The following MAD1L1 variants were observed in gnomAD, a reference collection of about 807,000 sequenced individuals.
MAD1L1 encodes mitotic spindle assembly checkpoint protein MAD1.
A neutral mutation model predicts 96.9 loss-of-function variants in MAD1L1; 95 were observed. The ratio of observed to expected loss-of-function variants is 0.98; its 90% CI spans 0.83 to 1.16. The LOEUF (loss-of-function observed/expected upper bound fraction) is 1.16. MAD1L1 is among the 50% of genes most tolerant of loss of function. The pLI is 0.00. For synonymous variants in MAD1L1, 473 were observed against 396.6 expected, an observed-to-expected ratio of 1.19 and a Z score of -2.29; for missense variants, 1,007 against 954.4, an observed-to-expected ratio of 1.06 and a Z score of -0.73.
At chr7:2,144,018 G>C (rs1789170958) in intron 11 of MAD1L1, among the ~76,000 whole-genome samples, 1 of 152,232 alleles carries the variant, frequency 6.6e-6, no homozygotes, top group African/African-American at 2.4e-5. Context: ...TCTCTGCTGA[G>C]GCAGAGAAGC....
intron 17 of MAD1L1, among the ~76,000 whole-genome samples, chr7:1,926,913 A>T (rs571558314): frequency 1.3e-5 from 2 of 152,292 alleles, no homozygotes; most frequent in South Asian, 4.1e-4. Context: ...TAGAAGACAT[A>T]TGGATCTTAA....
At chr7:1,866,821 A>C (rs933337212) in intron 18 of MAD1L1, among the ~76,000 whole-genome samples, 1 of 152,230 alleles carries the variant, frequency 6.6e-6, no homozygotes, top group Admixed American at 6.5e-5. Context: ...AGGCAGCGAC[A>C]TAGGGCCCGG....
chr7:2,074,441 T>G (rs895297275), intron 11 of MAD1L1, among the ~76,000 whole-genome samples: 2 of 152,204 alleles, frequency 1.3e-5, no homozygotes, highest in African/African-American at 4.8e-5. Flanking sequence ...GAACAGGAAC[T>G]GAGGCTGCTG....
At chr7:2,007,368 G>C (rs989272051) in intron 13 of MAD1L1, among the ~76,000 whole-genome samples, 1 of 152,248 alleles carries the variant, frequency 6.6e-6, no homozygotes, top group Non-Finnish European at 1.5e-5. Context: ...TATGGCCGCT[G>C]GGAAGAGCCT....
At chr7:1,990,668 G>A (rs1421539447) in intron 14 of MAD1L1, among the ~76,000 whole-genome samples, 1 of 152,264 alleles carries the variant, frequency 6.6e-6, no homozygotes, top group Non-Finnish European at 1.5e-5. Flanking sequence ...GGAGGAACCG[G>A]GGCCTCACCA....
intron 12 of MAD1L1, 142 bp from the exon 13 acceptor site, chr7:2,014,784 C>T (rs1351108532): frequency 3.3e-6 from 3 of 916,562 alleles, no homozygotes; most frequent in Admixed American, 3.3e-5. Flanking sequence ...GAGCCCACCC[C>T]TGAGGGCCCA....
At position 2,210,640 on chromosome 7, in the gene MAD1L1, G is replaced by A. The variant is rs528808073; in HGVS notation, c.986+2572C>T. Among the ~76,000 whole-genome samples the A allele has an allele frequency of 3.5e-4, 54 of 152,276 alleles. 1 individual carries two copies. The highest frequency in any genetic ancestry group is 2.1e-3 in the East Asian group (11 of 5,166). ...TCCAGCGTGAGTCACCCGAGATCAC[G>A]GCCTGATGCAGAACCACACTCAGAC... On this transcript the variant is annotated intron_variant, in intron 10 of 18. Transcript: ENST00000265854.
intron 18 of MAD1L1, among the ~76,000 whole-genome samples, chr7:1,838,430 A>G (rs1348924994): frequency 6.6e-6 from 1 of 152,244 alleles, no homozygotes; most frequent in African/African-American, 2.4e-5. Context: ...AGCAATTCAA[A>G]TGTTCTATCA....
At chr7:1,914,733 C>T (rs1337136764) in intron 17 of MAD1L1, among the ~76,000 whole-genome samples, 1 of 152,196 alleles carries the variant, frequency 6.6e-6, no homozygotes, top group African/African-American at 2.4e-5. Flanking sequence ...CCTGCCTCAG[C>T]CTCCAGAGTA....
chr7:2,198,199 TC>T (rs1363417566), intron 10 of MAD1L1, among the ~76,000 whole-genome samples: 1 of 151,614 alleles, frequency 6.6e-6, no homozygotes, highest in Non-Finnish European at 1.5e-5. Flanking sequence ...CAAGCGATCC[TC>T]CCACTTCAGG....
intron 18 of MAD1L1, among the ~76,000 whole-genome samples, chr7:1,888,180 G>C (rs567755452): frequency 2.7e-5 from 4 of 149,906 alleles, no homozygotes; most frequent in African/African-American, 9.9e-5. Flanking sequence ...CTGCCTGTGC[G>C]TGTGTGCATG....
At chr7:1,949,705 G>T (rs10259113) in intron 16 of MAD1L1, among the ~76,000 whole-genome samples, 2 of 152,166 alleles carry the variant, frequency 1.3e-5, no homozygotes, top group African/African-American at 4.8e-5. Flanking sequence ...CTGCAGATAC[G>T]CCCAGGAACC....
chr7:1,940,931 T>C (rs55889062), intron 16 of MAD1L1, among the ~76,000 whole-genome samples: 17 of 84,384 alleles, frequency 2.0e-4, no homozygotes, highest in Admixed American at 8.7e-4. Flanking sequence ...GAGACCCTCC[T>C]CCCCCAGGCC....
intron 18 of MAD1L1, among the ~76,000 whole-genome samples, chr7:1,826,312 T>G (rs1033843254): frequency 6.6e-6 from 1 of 151,890 alleles, no homozygotes; most frequent in Admixed American, 6.6e-5. Context: ...GAGAGCAAGC[T>G]TCTCGCTGCT....
chr7:2,184,165 T>A (rs1313267950), intron 10 of MAD1L1, among the ~76,000 whole-genome samples: 1 of 151,768 alleles, frequency 6.6e-6, no homozygotes, highest in Admixed American at 6.6e-5. Context: ...GGCAGGAGAA[T>A]GGCATGAATC....
At chr7:1,906,432 C>T (rs937615657) in intron 17 of MAD1L1, among the ~76,000 whole-genome samples, 5 of 152,226 alleles carry the variant, frequency 3.3e-5, no homozygotes, top group African/African-American at 9.6e-5. Flanking sequence ...CTGGCCCTAG[C>T]CTGACCTGGT....
chr7:2,205,161 T>C (rs1792535892), intron 10 of MAD1L1, among the ~76,000 whole-genome samples: 1 of 145,824 alleles, frequency 6.9e-6, no homozygotes, highest in Non-Finnish European at 1.5e-5. Context: ...AGTTTATAGT[T>C]AAACTTCAAG....
intron 10 of MAD1L1, chr7:2,200,181 C>G (rs925848802): frequency 1.3e-5 from 2 of 152,324 alleles, no homozygotes; most frequent in Non-Finnish European, 2.9e-5. Context: ...TAACATAGCA[C>G]GCGGGGCGCC....
intron 10 of MAD1L1, among the ~76,000 whole-genome samples, chr7:2,196,105 G>A (rs1469128144): frequency 2.0e-5 from 3 of 152,216 alleles, no homozygotes; most frequent in East Asian, 3.9e-4. Flanking sequence ...CAAGCATTCC[G>A]GCAACAGGGC....
Sources: gnomAD v4.1 joint callset for allele counts (sites outside exome capture counted in the v4.1 genomes callset) on GRCh38, gnomAD v4.1.1 for gene constraint, MANE v1.5 for transcripts, NCBI Gene and HGNC (gene_info 2026-07-23, HGNC 2026-07-21) for gene names.